The following CDYL variants were observed in gnomAD, a reference collection of about 807,000 sequenced individuals.
The protein encoded by CDYL is chromodomain Y-like protein.
Under a neutral mutation model 47.3 loss-of-function variants are expected in CDYL, and 8 were observed. The ratio of observed to expected loss-of-function variants is 0.17; its 90% CI spans 0.10 to 0.31. The LOEUF (loss-of-function observed/expected upper bound fraction) is 0.31. Ranked by LOEUF, CDYL falls within the 10% of genes least tolerant of loss-of-function variation. The probability of loss-of-function intolerance (pLI) is 1.00; values close to 1 mark genes in which losing one functional copy is unlikely to be tolerated. For missense variants in CDYL, 471 were observed against 701.4 expected (o/e 0.67, Z 3.71); for synonymous variants, 266 against 265.0 (o/e 1.00, Z -0.04).
intron 1 of CDYL, among the ~76,000 whole-genome samples, chr6:4,786,927 T>C (rs772369057): frequency 5.3e-5 from 8 of 152,200 alleles, no homozygotes; most frequent in Non-Finnish European, 1.2e-4. Flanking sequence ...GAGGCTTCAC[T>C]CCTCCTGTCC....
chr6:4,953,623 C>G (rs1276302538), intron 6 of CDYL, among the ~76,000 whole-genome samples: 2 of 152,200 alleles, frequency 1.3e-5, no homozygotes, highest in Admixed American at 1.3e-4. Context: ...CAGTATGCGG[C>G]AGTGGCGCGG....
At chr6:4,757,041 G>A (rs905235218) in intron 3 of CDYL, among the ~76,000 whole-genome samples, 1 of 152,148 alleles carries the variant, frequency 6.6e-6, no homozygotes, top group African/African-American at 2.4e-5. Flanking sequence ...TAAGTGATTG[G>A]TATGAGTCAC....
chr6:4,776,841 C>A, intron 1 of CDYL, 34 bp downstream of exon 1: 1 of 814,582 alleles, frequency 1.2e-6, no homozygotes, highest in Non-Finnish European at 1.5e-6. Flanking sequence ...GGGCCGCCCC[C>A]CGCCCGCCGC....
intron 1 of CDYL, among the ~76,000 whole-genome samples, chr6:4,848,111 T>C (rs189583768): frequency 3.3e-5 from 5 of 152,314 alleles, no homozygotes; most frequent in Admixed American, 2.6e-4. Flanking sequence ...AATTTAACCA[T>C]AGTTACATAT....
At chr6:4,952,139 A>G in intron 5 of CDYL, 127 bp from the exon 6 acceptor site, 1 of 1,061,998 alleles carries the variant, frequency 9.4e-7, no homozygotes, top group Non-Finnish European at 1.3e-6. Context: ...CCCCTAGAGG[A>G]TGTGCCCCAT....
intron 4 of CDYL, among the ~76,000 whole-genome samples, chr6:4,942,114 C>G (rs1038502326): frequency 1.9e-4 from 29 of 152,128 alleles, no homozygotes; most frequent in African/African-American, 7.0e-4. Context: ...ATCATTAAAC[C>G]CCAGTGTGAT....
chr6:4,869,280 G>A (rs1256380269), intron 1 of CDYL, among the ~76,000 whole-genome samples: 1 of 152,024 alleles, frequency 6.6e-6, no homozygotes, highest in Non-Finnish European at 1.5e-5. Flanking sequence ...GTTTTTAGTA[G>A]AGATGGGGTT....
chr6:4,746,386 T>C (rs1757899531), intron 3 of CDYL, among the ~76,000 whole-genome samples: 1 of 148,694 alleles, frequency 6.7e-6, no homozygotes, highest in Admixed American at 6.7e-5. Flanking sequence ...AAAAGTTTAG[T>C]CTAGCTGCAG....
intron 1 of CDYL, among the ~76,000 whole-genome samples, chr6:4,814,102 A>G (rs900516983): frequency 1.3e-5 from 2 of 152,182 alleles, no homozygotes; most frequent in African/African-American, 2.4e-5. Flanking sequence ...TTCTAATAAC[A>G]ATGAACTTTT....
At chr6:4,933,395 T>TC (rs1258483157) in intron 2 of CDYL, among the ~76,000 whole-genome samples, 2 of 152,054 alleles carry the variant, frequency 1.3e-5, no homozygotes, top group African/African-American at 2.4e-5. Flanking sequence ...CCTCTTCCGC[T>TC]CCCCCAGGCT....
intron 1 of CDYL, among the ~76,000 whole-genome samples, chr6:4,862,438 G>A (rs1251076115): frequency 6.6e-6 from 1 of 152,108 alleles, no homozygotes; most frequent in Non-Finnish European, 1.5e-5. Context: ...CTTTTGTGGA[G>A]AGTAATTTTT....
At chr6:4,875,825 A>G (rs1761604508) in intron 1 of CDYL, among the ~76,000 whole-genome samples, 1 of 152,228 alleles carries the variant, frequency 6.6e-6, no homozygotes, top group Non-Finnish European at 1.5e-5. Flanking sequence ...ATGTCGTTTT[A>G]CTATGCATCC....
intron 1 of CDYL, among the ~76,000 whole-genome samples, chr6:4,796,415 G>T (rs911916115): frequency 2.6e-5 from 4 of 151,982 alleles, no homozygotes; most frequent in Admixed American, 1.3e-4. Context: ...TTTGTTCAGG[G>T]TTCATATATG....
At chr6:4,830,163 C>T (rs1256143785) in intron 1 of CDYL, among the ~76,000 whole-genome samples, 6 of 152,244 alleles carry the variant, frequency 3.9e-5, no homozygotes, top group Admixed American at 3.9e-4. Context: ...TGCGTAAGCA[C>T]CATCCCTGCA....
chr6:4,737,758 C>T (rs1451003718), intron 3 of CDYL, among the ~76,000 whole-genome samples: 1 of 152,120 alleles, frequency 6.6e-6, no homozygotes, highest in Non-Finnish European at 1.5e-5. Context: ...ATCTCTTGAC[C>T]TCATGATCCA....
rs764741482 is a variant in CDYL at position 4,715,854 on chromosome 6, C to T, written c.76C>T (p.Gln26Ter). 3 of 1,614,112 alleles carry T rather than the reference C, an allele frequency of 1.9e-6. No individual in the cohort carries two copies. Among genetic ancestry groups the T allele is most frequent in the Non-Finnish European group, 2.5e-6 (3 of 1,180,008 alleles). ...AAACTGGCAATACGAGGGCCCAACCCAAAAGTTATTCCTGAAGAGAAACAA... is the reference window on the plus strand; with the variant it reads ...AAACTGGCAATACGAGGGCCCAACCTAAAAGTTATTCCTGAAGAGAAACAA... The change falls in exon 2 of 9, where the codon CAA becomes TAA. Residue 26 changes from glutamine to a stop codon, truncating the protein, a stop_gained. Coordinates refer to the CDYL transcript ENST00000328908. LOFTEE classifies it high-confidence loss of function.
At chr6:4,910,372 G>A (rs2127499745) in intron 2 of CDYL, among the ~76,000 whole-genome samples, 1 of 152,274 alleles carries the variant, frequency 6.6e-6, no homozygotes, top group Non-Finnish European at 1.5e-5. Context: ...GCCAGAAGAG[G>A]CACACATAAA....
At chr6:4,761,655 A>T (rs1014311657) in intron 3 of CDYL, among the ~76,000 whole-genome samples, 6 of 152,198 alleles carry the variant, frequency 3.9e-5, no homozygotes, top group African/African-American at 1.4e-4. Context: ...TTTCCCCAGA[A>T]TTGTTAAAGG....
intron 3 of CDYL, 50 bp from the exon 4 acceptor site, chr6:4,937,515 A>ATT: frequency 8.4e-7 from 1 of 1,190,358 alleles, no homozygotes; most frequent in East Asian, 2.9e-5. Context: ...ATGCTTTAAG[A>ATT]TTTTAAACCC....
Sources: allele counts gnomAD v4.1 joint callset (sites outside exome capture counted in the v4.1 genomes callset), GRCh38; gene constraint gnomAD v4.1.1; transcripts MANE v1.5; gene names NCBI Gene and HGNC (gene_info 2026-07-23, HGNC 2026-07-21).